ARHGAP42: variants seen among roughly 807,000 people sequenced by gnomAD.
ARHGAP42 encodes rho GTPase-activating protein 42.
Under a neutral mutation model 125.0 loss-of-function variants are expected in ARHGAP42, and 63 were observed. That is an observed-to-expected ratio of 0.50 (90% CI 0.41 to 0.62). The LOEUF (loss-of-function observed/expected upper bound fraction) is 0.62, where lower values mean the gene tolerates loss of function less well. Ranked by LOEUF, ARHGAP42 falls within the 20% of genes least tolerant of loss-of-function variation. The pLI is 0.00. For synonymous variants in ARHGAP42, 339 were observed against 351.0 expected, an observed-to-expected ratio of 0.97 and a Z score of 0.38; for missense variants, 766 against 1,024.2, an observed-to-expected ratio of 0.75 and a Z score of 3.44.
intron 4 of ARHGAP42, among the ~76,000 whole-genome samples, chr11:100,910,544 C>T (rs1016534467): frequency 2.0e-5 from 3 of 151,854 alleles, no homozygotes; most frequent in Non-Finnish European, 2.9e-5. Context: ...GTTATTTTCC[C>T]CTTCCTTAAG....
intron 1 of ARHGAP42, among the ~76,000 whole-genome samples, chr11:100,703,900 A>T (rs1861437361): frequency 6.6e-6 from 1 of 152,248 alleles, no homozygotes; most frequent in Non-Finnish European, 1.5e-5. Flanking sequence ...CACCGAAGAC[A>T]GACAATGGCT....
intron 12 of ARHGAP42, among the ~76,000 whole-genome samples, chr11:100,959,406 T>C (rs1004096333): frequency 1.6e-4 from 25 of 152,170 alleles, no homozygotes; most frequent in Middle Eastern, 3.4e-3. Flanking sequence ...GAATCCTGAC[T>C]CTAGAGCTTA....
intron 4 of ARHGAP42, among the ~76,000 whole-genome samples, chr11:100,889,247 A>T (rs1166444389): frequency 1.3e-5 from 2 of 152,112 alleles, no homozygotes; most frequent in African/African-American, 2.4e-5. Flanking sequence ...CCAAATTCTC[A>T]ATCTCCAATG....
At chr11:100,834,723 A>G (rs1259659281) in intron 3 of ARHGAP42, among the ~76,000 whole-genome samples, 1 of 152,042 alleles carries the variant, frequency 6.6e-6, no homozygotes, top group Non-Finnish European at 1.5e-5. Context: ...AAAAAAGAAT[A>G]GAGGCTATAA....
chr11:100,884,050 A>G (rs377757697), intron 4 of ARHGAP42, among the ~76,000 whole-genome samples: 1 of 152,238 alleles, frequency 6.6e-6, no homozygotes, highest in South Asian at 2.1e-4. Flanking sequence ...AATTAGAATA[A>G]GACCGCACAC....
chr11:100,812,492 T>C (rs1029918730), intron 3 of ARHGAP42, among the ~76,000 whole-genome samples: 21 of 152,292 alleles, frequency 1.4e-4, no homozygotes, highest in East Asian at 3.9e-4. Flanking sequence ...GATGGTGATA[T>C]ATACTCTGGA....
intron 7 of ARHGAP42, 81 bp downstream of exon 7, chr11:100,933,341 T>G (rs1555026814): frequency 9.7e-7 from 1 of 1,027,526 alleles, no homozygotes; most frequent in Non-Finnish European, 1.4e-6. Flanking sequence ...AATTTTTTTC[T>G]AGCTGCTAGT....
intron 3 of ARHGAP42, among the ~76,000 whole-genome samples, chr11:100,827,156 C>G (rs1310442078): frequency 1.3e-5 from 2 of 152,052 alleles, no homozygotes; most frequent in East Asian, 3.9e-4. Flanking sequence ...TGGGCTGCCA[C>G]CACGCCCAAC....
chr11:100,821,361 T>C (rs1346094556), intron 3 of ARHGAP42, among the ~76,000 whole-genome samples: 1 of 152,018 alleles, frequency 6.6e-6, no homozygotes, highest in Non-Finnish European at 1.5e-5. Flanking sequence ...GAGGCTTCTT[T>C]GTTATATAGT....
chr11:100,856,963 C>G (rs1420852151), intron 3 of ARHGAP42, among the ~76,000 whole-genome samples: 1 of 152,028 alleles, frequency 6.6e-6, no homozygotes, highest in African/African-American at 2.4e-5. Context: ...GAAGCTGAAT[C>G]TGTCTTCAAC....
intron 12 of ARHGAP42, among the ~76,000 whole-genome samples, chr11:100,959,451 G>T (rs547829788): frequency 7.2e-5 from 11 of 152,086 alleles, no homozygotes; most frequent in Admixed American, 5.9e-4. Context: ...AGCAACCCAG[G>T]GAATCATCTT....
At chr11:100,789,980 G>T (rs1330806126) in intron 2 of ARHGAP42, among the ~76,000 whole-genome samples, 1 of 152,106 alleles carries the variant, frequency 6.6e-6, no homozygotes. Context: ...TCTCATCGTA[G>T]TTTTAAAATA....
chr11:100,976,066 A>G lies in ARHGAP42; in HGVS notation c.1865A>G (p.Tyr622Cys). 3 of 1,526,090 alleles carry G rather than the reference A, an allele frequency of 2.0e-6. No homozygotes were observed. Among genetic ancestry groups the G allele is most frequent in the South Asian group, 2.5e-5 (2 of 79,264 alleles). 94.5% of individuals were successfully genotyped at this position (1,526,090 alleles called of 1,614,324 possible). Reference protein sequence around the residue: ...PCLAEPDSDSYSSSPDSTPMG... With the variant: ...PCLAEPDSDSCSSSPDSTPMG... The stretch of plus-strand genomic sequence containing the variant: ...CCCTCCTACTCCTTAGGTGACTCCT[A>G]TAGCAGCAGCCCAGACAGCACACCT... Residue 622 changes from tyrosine to cysteine, a missense_variant, in exon 20 of 24, where the codon TAT becomes TGT. By Grantham distance (194) the Tyr-to-Cys change is radical. Transcript: ENST00000298815.
At chr11:100,759,326 T>A (rs1215957187) in intron 1 of ARHGAP42, among the ~76,000 whole-genome samples, 1 of 152,160 alleles carries the variant, frequency 6.6e-6, no homozygotes, top group African/African-American at 2.4e-5. Flanking sequence ...ATAGCACCTT[T>A]TATAGCTAGG....
intron 11 of ARHGAP42, 89 bp downstream of exon 11, chr11:100,948,624 G>T (rs1218912626): frequency 9.7e-6 from 10 of 1,026,996 alleles, no homozygotes; most frequent in African/African-American, 1.6e-5. Context: ...ACAATGTTTT[G>T]CCTGTAGTAT....
At chr11:100,710,293 T>A (rs552106700) in intron 1 of ARHGAP42, among the ~76,000 whole-genome samples, 1 of 152,182 alleles carries the variant, frequency 6.6e-6, no homozygotes, top group East Asian at 1.9e-4. Flanking sequence ...AGTGGTATGA[T>A]CTCGGCTCAC....
chr11:100,912,853 A>G (rs1866962499), intron 4 of ARHGAP42, among the ~76,000 whole-genome samples: 1 of 152,154 alleles, frequency 6.6e-6, no homozygotes, highest in African/African-American at 2.4e-5. Context: ...AATCCTTTCA[A>G]TTTATTCGAC....
rs553209356 is a variant in ARHGAP42 at position 100,793,767 on chromosome 11, G to C, written c.251-1338G>C. ...TAAGATGGGGAAAGGAAGTGAGTAG[G>C]AATCTAACAAATAAGGCTGTATGGC... On this transcript the variant is annotated intron_variant, in intron 2 of 23. Transcript: ENST00000298815. Among the ~76,000 whole-genome samples, 92 of 152,174 alleles carry C rather than the reference G, an allele frequency of 6.0e-4. 1 individual carries two copies. In the South Asian group the frequency reaches 0.015, roughly 25 times the overall value.
chr11:100,775,082 T>G (rs1044307172), intron 2 of ARHGAP42, among the ~76,000 whole-genome samples: 3 of 152,060 alleles, frequency 2.0e-5, no homozygotes, highest in African/African-American at 4.8e-5. Flanking sequence ...CCCTCCCTTC[T>G]CTAAGGATAA....
Sources: allele counts gnomAD v4.1 joint callset (sites outside exome capture counted in the v4.1 genomes callset), GRCh38; gene constraint gnomAD v4.1.1; transcripts MANE v1.5; gene names NCBI Gene and HGNC (gene_info 2026-07-23, HGNC 2026-07-21).